DCDC1: variants seen among roughly 807,000 people sequenced by gnomAD.
DCDC1 encodes doublecortin domain containing 1.
In DCDC1, 200 loss-of-function variants were observed where a neutral mutation model predicts 178.3. The ratio of observed to expected loss-of-function variants is 1.12; its 90% CI spans 1.00 to 1.26. DCDC1 has a LOEUF of 1.26. Ranked by LOEUF, DCDC1 falls within the 50% of genes most tolerant of loss-of-function variation. The pLI, the probability that DCDC1 is intolerant of heterozygous loss-of-function variation, is 0.00. For missense variants in DCDC1, 1,983 were observed against 1,749.2 expected (o/e 1.13, Z -2.38); for synonymous variants, 690 against 604.8 (o/e 1.14, Z -2.07).
At chr11:31,222,950 T>C (rs1461160346) in intron 9 of DCDC1, among the ~76,000 whole-genome samples, 1 of 152,194 alleles carries the variant, frequency 6.6e-6, no homozygotes, top group Non-Finnish European at 1.5e-5. Flanking sequence ...AATTAACAGA[T>C]ATATTTATAA....
intron 9 of DCDC1, among the ~76,000 whole-genome samples, chr11:31,226,740 A>G (rs1475280047): frequency 6.6e-6 from 1 of 151,636 alleles, no homozygotes; most frequent in East Asian, 1.9e-4. Context: ...TTTTAACAAA[A>G]GACATTAAAA....
At chr11:31,050,360 G>A (rs1362218144) in intron 20 of DCDC1, among the ~76,000 whole-genome samples, 7 of 152,066 alleles carry the variant, frequency 4.6e-5, no homozygotes, top group African/African-American at 1.7e-4. Flanking sequence ...CCTGCCCAAG[G>A]ACAGTCTGAG....
intron 20 of DCDC1, among the ~76,000 whole-genome samples, chr11:31,017,636 G>C (rs1389133519): frequency 6.6e-6 from 1 of 151,106 alleles, no homozygotes; most frequent in Non-Finnish European, 1.5e-5. Context: ...CTGGAGTGCA[G>C]TGGCAGAATC....
intron 9 of DCDC1, among the ~76,000 whole-genome samples, chr11:31,221,194 C>A (rs1482877780): frequency 6.6e-6 from 1 of 152,130 alleles, no homozygotes; most frequent in Non-Finnish European, 1.5e-5. Flanking sequence ...ACCATCAATT[C>A]TAAAGTCTAG....
intron 34 of DCDC1, among the ~76,000 whole-genome samples, chr11:30,899,090 T>G (rs1400688537): frequency 1.3e-5 from 2 of 151,742 alleles, no homozygotes; most frequent in African/African-American, 4.8e-5. Context: ...CTGAAGATTT[T>G]AGTACTTCCT....
chr11:31,299,102 T>C (rs982451854), intron 6 of DCDC1, among the ~76,000 whole-genome samples: 1 of 152,234 alleles, frequency 6.6e-6, no homozygotes, highest in African/African-American at 2.4e-5. Flanking sequence ...GTTTGGTAAA[T>C]AGATTAAATC....
At position 31,257,919 on chromosome 11, in the gene DCDC1, A is replaced by G. The variant is rs1411348286; in HGVS notation, c.1054+7588T>C. Among the ~76,000 whole-genome samples the G allele has an allele frequency of 2.0e-5, 3 of 152,344 alleles. No individual in the cohort carries two copies. In the South Asian group the frequency reaches 6.2e-4, roughly 32 times the overall value. ...AGATAAGATCTTGGAGAGCAGACTGAGAACAATCCCCTAGAGGAGACAGTA... is the reference window on the plus strand; with the variant it reads ...AGATAAGATCTTGGAGAGCAGACTGGGAACAATCCCCTAGAGGAGACAGTA... On this transcript the variant is annotated intron_variant, in intron 8 of 38. Coordinates refer to ENST00000684477, the MANE Select transcript of DCDC1 (RefSeq NM_001387274.1).
chr11:30,979,439 A>T (rs1393159288), intron 20 of DCDC1, among the ~76,000 whole-genome samples: 1 of 152,236 alleles, frequency 6.6e-6, no homozygotes, highest in Non-Finnish European at 1.5e-5. Flanking sequence ...CTTTAAATAC[A>T]GTGAAATACT....
At chr11:31,060,914 G>A (rs189898382) in intron 20 of DCDC1, among the ~76,000 whole-genome samples, 90 of 152,158 alleles carry the variant, frequency 5.9e-4, no homozygotes, top group African/African-American at 2.1e-3. Flanking sequence ...AAAGTCAAAT[G>A]GCTTTTAAAT....
chr11:30,990,181 CAT>C (rs397849061), intron 20 of DCDC1, among the ~76,000 whole-genome samples: 4,745 of 150,866 alleles, frequency 0.031, 269 homozygotes, highest in African/African-American at 0.11. Flanking sequence ...TACAGTGGAA[CAT>C]ATATATATAT....
At chr11:31,172,179 T>C in intron 9 of DCDC1, among the ~76,000 whole-genome samples, 1 of 152,198 alleles carries the variant, frequency 6.6e-6, no homozygotes, top group Non-Finnish European at 1.5e-5. Flanking sequence ...AAAAATTATA[T>C]ATTTCCCTAT....
chr11:31,166,977 C>T (rs550263309), intron 9 of DCDC1, among the ~76,000 whole-genome samples: 1 of 152,248 alleles, frequency 6.6e-6, no homozygotes, highest in South Asian at 2.1e-4. Flanking sequence ...CGAACTAATG[C>T]TAGCAATTGT....
rs1274232504 is a variant in DCDC1, at chr11:31,091,443, C to T, written c.2187G>A (p.Lys729=). The change falls in exon 17 of 39, where the codon AAG becomes AAA. Residue 729 remains lysine, a synonymous_variant. Coordinates refer to ENST00000684477, the MANE Select transcript of DCDC1 (RefSeq NM_001387274.1). ...CLAIGHPIRV[K]AAEGTSLEGY... ...CTTCTAGTGATGTTCCCTCAGCAGC[C>T]TTGACTCTGATAGGATGACCAATAG... 2.6e-6 allele frequency: 2 copies of T among 761,774 alleles called. No homozygotes were observed. The highest frequency in any genetic ancestry group is 2.4e-6 in the Non-Finnish European group (1 of 415,774). The allele number at this position is 761,774 out of a possible 1,614,324, so 47.2% of individuals were successfully genotyped here. A position where few individuals can be genotyped will look rare whatever the true frequency, so the allele number is the denominator to read the frequency against.
chr11:31,090,197 A>G (rs760103965), intron 17 of DCDC1, among the ~76,000 whole-genome samples: 3 of 152,296 alleles, frequency 2.0e-5, no homozygotes, highest in Non-Finnish European at 4.4e-5. Context: ...CATAACACCA[A>G]GCTAACATCT....
rs139164724 is a variant in DCDC1, at chr11:30,876,347, G to T, written c.*40+2197C>A. Reference sequence around the variant, plus strand: ...TCCTATATTCCTTGCTGAAGGTAGAGAAACTGTTCCCCAGTCCACCTTGCA... The same window carrying T: ...TCCTATATTCCTTGCTGAAGGTAGATAAACTGTTCCCCAGTCCACCTTGCA... On this transcript the variant is annotated intron_variant, in intron 38 of 38. Transcript: ENST00000684477. Among the ~76,000 whole-genome samples, 693 of 152,284 alleles carry T rather than the reference G, an allele frequency of 4.6e-3. 8 individuals carry two copies. The highest frequency in any genetic ancestry group is 0.016 in the African/African-American group (648 of 41,556).
chr11:31,188,534 G>A (rs1442286664), intron 9 of DCDC1, among the ~76,000 whole-genome samples: 1 of 152,096 alleles, frequency 6.6e-6, no homozygotes, highest in Non-Finnish European at 1.5e-5. Context: ...TGATGTAATT[G>A]TTCCAAAGGC....
intron 20 of DCDC1, among the ~76,000 whole-genome samples, chr11:30,961,325 T>C (rs1383457125): frequency 6.6e-6 from 1 of 152,104 alleles, no homozygotes; most frequent in Non-Finnish European, 1.5e-5. Context: ...AGGACAAAAT[T>C]GTATTGTTTC....
intron 11 of DCDC1, among the ~76,000 whole-genome samples, chr11:31,116,340 A>G (rs1214129561): frequency 6.6e-6 from 1 of 152,116 alleles, no homozygotes; most frequent in Non-Finnish European, 1.5e-5. Context: ...TACCTAAATC[A>G]AATAACACAA....
intron 18 of DCDC1, among the ~76,000 whole-genome samples, chr11:31,075,195 TG>T (rs1418860697): frequency 6.6e-5 from 10 of 152,202 alleles, no homozygotes; most frequent in Non-Finnish European, 2.9e-5. Flanking sequence ...CTCTGTCAGT[TG>T]CATCCATGTT....
Sources: gnomAD v4.1 joint callset for allele counts (sites outside exome capture counted in the v4.1 genomes callset) on GRCh38, gnomAD v4.1.1 for gene constraint, MANE v1.5 for transcripts, NCBI Gene and HGNC (gene_info 2026-07-23, HGNC 2026-07-21) for gene names.